Variants in HSPG2 observed in about 807,000 individuals in gnomAD.
HSPG2 encodes the protein heparan sulfate proteoglycan 2, also known as basement membrane-specific heparan sulfate proteoglycan core protein.
In HSPG2, 278 loss-of-function variants were observed where a neutral mutation model predicts 526.6. That is an observed-to-expected ratio of 0.53 (90% CI 0.48 to 0.58). The LOEUF (loss-of-function observed/expected upper bound fraction) is 0.58. Among genes scored for constraint, HSPG2 ranks in the 20% least tolerant of loss-of-function variants. The probability of loss-of-function intolerance (pLI) is 0.00; values close to 1 mark genes in which losing one functional copy is unlikely to be tolerated. For missense variants in HSPG2, 5,354 were observed against 6,099.5 expected, an observed-to-expected ratio of 0.88 and a Z score of 4.07; for synonymous variants, 2,465 against 2,555.4, an observed-to-expected ratio of 0.96 and a Z score of 1.07.
Position 21,834,839 on chromosome 1 carries a change from C to T in HSPG2, c.10560G>A (p.Val3520=), listed in dbSNP as rs1229362486. 1.9e-6 allele frequency: 3 copies of T among 1,614,220 alleles called. No individual in the cohort carries two copies. The highest frequency in any genetic ancestry group is 1.7e-5 in the Admixed American group (1 of 60,030). ...GGTGCCCTCCAACTTTGCTCCATGT[C>T]ACCTGAGGCTTGGGGTCACCCAGTG... is the stretch of plus-strand genomic sequence containing the variant. ...CLALGDPKPQ[V]TWSKVGGHLR... is the part of the protein sequence containing the mutation. Residue 3520 remains valine, a synonymous_variant, in exon 77 of 97, where the codon GTG becomes GTA. Coordinates refer to ENST00000374695, the MANE Select transcript of HSPG2 (RefSeq NM_005529.7).
intron 1 of HSPG2, among the ~76,000 whole-genome samples, chr1:21,901,818 C>G (rs529868249): frequency 7.2e-5 from 11 of 152,258 alleles, no homozygotes; most frequent in African/African-American, 2.6e-4. Context: ...GCCTGCCCAC[C>G]TGCCTCCCTG....
At chr1:21,841,472 G>C in intron 70 of HSPG2, 67 bp downstream of exon 70, 1 of 1,602,958 alleles carries the variant, frequency 6.2e-7, no homozygotes, top group Non-Finnish European at 8.5e-7. Context: ...ATTTAAACTT[G>C]GAGGCTCTGA....
chr1:21,890,651 G>A lies in HSPG2; in HGVS notation c.288C>T (p.Tyr96=). ...AGCCTGCATCCTCCAGCTGAGGGCT[G>A]TACTCGATGGAGCGAGTGAAATTCA... is the stretch of plus-strand genomic sequence containing the variant. ...ALVNFTRSIE[Y]SPQLEDAGSR... The change falls in exon 4 of 97, where the codon TAC becomes TAT. Residue 96 remains tyrosine (Y), a synonymous_variant. Transcript: ENST00000374695. The surrounding 1 kb of genome is among the most constrained non-coding windows in gnomAD (Gnocchi z 4.1). The A allele has an allele frequency of 6.2e-7, 1 of 1,614,082 alleles. No homozygotes were observed. The highest frequency in any genetic ancestry group is 8.5e-7 in the Non-Finnish European group (1 of 1,179,930).
chr1:21,824,383 G>A lies in HSPG2; in HGVS notation c.12745-7C>T. The A allele has an allele frequency of 6.2e-7, 1 of 1,613,752 alleles. No homozygotes were observed. Among genetic ancestry groups the A allele is most frequent in the South Asian group, 1.1e-5 (1 of 91,088 alleles). ...GGCCGGCCTCTCCCACCTCCTGCCAGGGAAGCACAGGGTCTCTGGGGTCCC... is the reference window on the plus strand; with the variant it reads ...GGCCGGCCTCTCCCACCTCCTGCCAAGGAAGCACAGGGTCTCTGGGGTCCC... On this transcript the variant is annotated splice_polypyrimidine_tract_variant and splice_region_variant and intron_variant, in intron 93 of 96. Transcript: ENST00000374695. The surrounding 1 kb of genome is among the most constrained non-coding windows in gnomAD (Gnocchi z 5.9).
chr1:21,933,135 A>C (rs1309837261), intron 1 of HSPG2, among the ~76,000 whole-genome samples: 1 of 151,508 alleles, frequency 6.6e-6, no homozygotes, highest in Admixed American at 6.6e-5. Flanking sequence ...TGGGAGGATC[A>C]CCTGAGCGTG....
At position 21,847,696 on chromosome 1, in the gene HSPG2, C is replaced by G; in HGVS notation, c.8018G>C (p.Arg2673Pro). 6.2e-7 allele frequency: 1 copy of G among 1,607,686 alleles called. No individual in the cohort carries two copies. Among genetic ancestry groups the G allele is most frequent in the Non-Finnish European group, 8.5e-7 (1 of 1,177,288 alleles). The change falls in exon 61 of 97, where the codon CGA becomes CCA. Residue 2673 changes from arginine (R) to proline (P), a missense_variant. Transcript: ENST00000374695. The surrounding 1 kb of genome is among the most constrained non-coding windows in gnomAD (Gnocchi z 4.1). ...TGTGGCTCCACTCTGTACCTGGTGTCGGGAGGGAAGGCTGCCCCCACGCTT... is the reference window on the plus strand; with the variant it reads ...TGTGGCTCCACTCTGTACCTGGTGTGGGGAGGGAAGGCTGCCCCCACGCTT... Reference protein sequence around the residue: ...WYKRGGSLPSRHQTHGSHLRL... With the variant: ...WYKRGGSLPSPHQTHGSHLRL...
At chr1:21,851,325 GT>G in intron 55 of HSPG2, 1 of 628,968 alleles carries the variant, frequency 1.6e-6, no homozygotes, top group Admixed American at 2.7e-5. Context: ...GCACAGAGAG[GT>G]TAAGTAACTT....
At chr1:21,826,228 C>T (rs1384666633) in intron 91 of HSPG2, among the ~76,000 whole-genome samples, 1 of 152,094 alleles carries the variant, frequency 6.6e-6, no homozygotes, top group Non-Finnish European at 1.5e-5. Flanking sequence ...TGCCACCACA[C>T]CCAGCTAATT....
In HSPG2 at chr1:21,850,348, C is replaced by T; in HGVS notation, c.7294+15G>A. The stretch of plus-strand genomic sequence containing the variant: ...CCCTGGGTCCCCAGCCCTGCCCTCC[C>T]TGAGAGCTACTCACCAGGCACTGAG... On this transcript the variant is annotated intron_variant, in intron 56 of 96. Coordinates refer to ENST00000374695, the MANE Select transcript of HSPG2 (RefSeq NM_005529.7). 6.2e-7 allele frequency: 1 copy of T among 1,604,268 alleles called. No individual in the cohort carries two copies. The highest frequency in any genetic ancestry group is 2.3e-5 in the East Asian group (1 of 44,344).
chr1:21,896,891 T>C (rs2152774078), intron 1 of HSPG2, among the ~76,000 whole-genome samples: 1 of 152,310 alleles, frequency 6.6e-6, no homozygotes, highest in African/African-American at 2.4e-5. Context: ...GAATTAGCTT[T>C]GGCACATGCA....
intron 1 of HSPG2, among the ~76,000 whole-genome samples, chr1:21,931,381 C>G (rs1392413256): frequency 6.6e-6 from 1 of 152,256 alleles, no homozygotes; most frequent in African/African-American, 2.4e-5. Context: ...GTGGCAGGGC[C>G]AAAGAGGCCA....
Position 21,835,596 on chromosome 1 carries a change from C to CATAT in HSPG2, c.10393_10396dup (p.Cys3466TyrfsTer51). On this transcript the variant is annotated frameshift_variant, in exon 76 of 97. Transcript: ENST00000374695. LOFTEE classifies it high-confidence loss of function. ...CTTCCCCCAAGGTCCATGGGCCTGG[C>CATAT]ATATATACGTCCCTTGGCAGCTCTG... is the stretch of plus-strand genomic sequence containing the variant. The CATAT allele has an allele frequency of 6.2e-7, 1 of 1,614,142 alleles. No individual in the cohort carries two copies. Among genetic ancestry groups the CATAT allele is most frequent in the Non-Finnish European group, 8.5e-7 (1 of 1,179,994 alleles).
In HSPG2 at chr1:21,864,860, T is replaced by C. The variant is rs747160081; in HGVS notation, c.4609A>G (p.Ile1537Val). ...VEECRCPPGY[I>V]GLSCQDCAPG... The stretch of plus-strand genomic sequence containing the variant: ...ACACTCACCTGGCAGGACAGACCGA[T>C]GTAGCCTGGCGGGCAGCGGCACTCC... Residue 1537 changes from isoleucine (I) to valine (V), a missense_variant, in exon 36 of 97, where the codon ATC becomes GTC. By Grantham distance (29) the Ile-to-Val change is conservative. Coordinates refer to ENST00000374695, the MANE Select transcript of HSPG2 (RefSeq NM_005529.7). This position sits in a 1 kb window ranked among gnomAD's most constrained non-coding sequence, Gnocchi z 4.8. 15 of 1,610,452 alleles carry C rather than the reference T, an allele frequency of 9.3e-6. No individual in the cohort carries two copies. Among genetic ancestry groups the C allele is most frequent in the Non-Finnish European group, 1.3e-5 (15 of 1,179,246 alleles).
At chr1:21,933,093 G>A (rs1644386672) in intron 1 of HSPG2, among the ~76,000 whole-genome samples, 2 of 151,930 alleles carry the variant, frequency 1.3e-5, no homozygotes, top group African/African-American at 4.8e-5. Context: ...AGAGGAGGGT[G>A]TCTGTAGTCC....
At position 21,843,076 on chromosome 1, in the gene HSPG2, G is replaced by A. The variant is rs566106831; in HGVS notation, c.8759-155C>T. On this transcript the variant is annotated intron_variant, in intron 66 of 96. Coordinates refer to ENST00000374695, the MANE Select transcript of HSPG2 (RefSeq NM_005529.7). ...CTAAGAAGGGTCTCCTTTCCCTGGG[G>A]ACTCAAGGGTCCTCCTGAAACTCAG... is the stretch of plus-strand genomic sequence containing the variant. Among the ~76,000 whole-genome samples, 4 of 152,234 alleles carry A rather than the reference G, an allele frequency of 2.6e-5. No homozygotes were observed. The South Asian group carries it at 8.3e-4, about 32-fold the overall frequency.
Position 21,874,616 on chromosome 1 carries a change from C to T in HSPG2, c.3528G>A (p.Gln1176=). ...EACEPETGAC[Q]GCQHHTEGPR... is the part of the protein sequence containing the mutation. ...TGGGCGGAAGGAGGGCGGGACTTAC[C>T]TGGCAGGCACCTGTTTCTGGCTCGC... The change falls in exon 27 of 97, where the codon CAG becomes CAA. Residue 1176 remains glutamine (Q), a splice_region_variant and synonymous_variant. Transcript: ENST00000374695. 1 of 1,613,930 alleles carries T rather than the reference C, an allele frequency of 6.2e-7. No individual in the cohort carries two copies. Among genetic ancestry groups the T allele is most frequent in the Non-Finnish European group, 8.5e-7 (1 of 1,179,914 alleles).
In HSPG2 at chr1:21,865,143, C is replaced by A; in HGVS notation, c.4396-70G>T. On this transcript the variant is annotated intron_variant, in intron 35 of 96. Transcript: ENST00000374695. The surrounding 1 kb of genome is among the most constrained non-coding windows in gnomAD (Gnocchi z 5.4). ...GGCTGCTCCTACAGTTACCACCCCC[C>A]AAATCCTGCCTTACAGGCACTGACT... 14 of 1,535,688 alleles carry A rather than the reference C, an allele frequency of 9.1e-6. No individual in the cohort carries two copies. The Middle Eastern group carries it at 5.7e-4, about 63-fold the overall frequency.
Position 21,824,063 on chromosome 1 carries a change from G to A in HSPG2, c.12899+58C>T, listed in dbSNP as rs910394218. ...TGCCTCTCTGCCCATGGTAGGGGGC[G>A]TCCTGCCCCACTCCAGAACGCTGGG... is the stretch of plus-strand genomic sequence containing the variant. On this transcript the variant is annotated intron_variant, in intron 95 of 96. Coordinates refer to ENST00000374695, the MANE Select transcript of HSPG2 (RefSeq NM_005529.7). This position sits in a 1 kb window ranked among gnomAD's most constrained non-coding sequence, Gnocchi z 5.9. 1.4e-5 allele frequency: 20 copies of A among 1,465,712 alleles called. No homozygotes were observed. The highest frequency in any genetic ancestry group is 4.2e-5 in the African/African-American group (3 of 72,176). The allele number at this position is 1,465,712 out of a possible 1,614,324, so 90.8% of individuals were successfully genotyped here. A position where few individuals can be genotyped will look rare whatever the true frequency, so the allele number is the denominator to read the frequency against.
intron 76 of HSPG2, 161 bp downstream of exon 76, chr1:21,835,379 T>C: frequency 3.0e-6 from 2 of 669,140 alleles, no homozygotes; most frequent in Non-Finnish European, 5.4e-6. Flanking sequence ...ATCAAGCCCC[T>C]TTTACTCTAT....
Sources: gnomAD v4.1 joint callset for allele counts (sites outside exome capture counted in the v4.1 genomes callset) on GRCh38, gnomAD v4.1.1 for gene constraint, Gnocchi (gnomAD v3.1) non-coding constraint, MANE v1.5 for transcripts, NCBI Gene and HGNC (gene_info 2026-07-23, HGNC 2026-07-21) for gene names.